Variants in PRDM15 observed in about 807,000 individuals in gnomAD.
The protein encoded by PRDM15 is PR/SET domain 15, also known as PR domain zinc finger protein 15.
PRDM15 carries 64 observed loss-of-function variants against 128.6 expected under a neutral mutation model. That is an observed-to-expected ratio of 0.50 (90% CI 0.41 to 0.61). The LOEUF (loss-of-function observed/expected upper bound fraction) is 0.61. Among genes scored for constraint, PRDM15 ranks in the 20% least tolerant of loss-of-function variants. The probability of loss-of-function intolerance (pLI) is 0.00; values close to 1 mark genes in which losing one functional copy is unlikely to be tolerated. For synonymous variants in PRDM15, 615 were observed against 621.8 expected, an observed-to-expected ratio of 0.99 and a Z score of 0.16; for missense variants, 1,242 against 1,569.1, an observed-to-expected ratio of 0.79 and a Z score of 3.52.
rs761807205 is a variant in PRDM15 at position 41,815,849 on chromosome 21, A to G, written c.2261-13T>C. The stretch of plus-strand genomic sequence containing the variant: ...TTGGTCTTCATGCCTTCAAGGACAC[A>G]GCGAGTCAGAGGCGGCCACACCCCC... On this transcript the variant is annotated splice_polypyrimidine_tract_variant and intron_variant, in intron 18 of 23. Coordinates refer to ENST00000398548, the MANE Select transcript of PRDM15 (RefSeq NM_001040424.3). 6 of 1,611,872 alleles carry G rather than the reference A, an allele frequency of 3.7e-6. No homozygotes were observed. The highest frequency in any genetic ancestry group is 4.2e-6 in the Non-Finnish European group (5 of 1,179,708).
At chr21:41,820,258 G>T in intron 16 of PRDM15, 84 bp from the exon 17 acceptor site, 1 of 1,034,444 alleles carries the variant, frequency 9.7e-7, no homozygotes, top group Non-Finnish European at 1.5e-6. Flanking sequence ...ACCTTCATCT[G>T]CAAAGGTGAG....
intron 9 of PRDM15, 118 bp from the exon 10 acceptor site, chr21:41,836,325 G>C (rs2062889397): frequency 1.5e-6 from 2 of 1,302,652 alleles, no homozygotes; most frequent in Non-Finnish European, 2.2e-6. Flanking sequence ...AGGAGCTGCA[G>C]AGATGATCGC....
intron 19 of PRDM15, 49 bp downstream of exon 19, chr21:41,815,656 C>T (rs1158982442): frequency 1.9e-6 from 3 of 1,604,872 alleles, no homozygotes; most frequent in Admixed American, 1.7e-5. Flanking sequence ...CACCTGGCTT[C>T]CCTACACAGT....
rs2063836759 is a variant in PRDM15, at chr21:41,862,158, G to A, written c.-9-1786C>T. On this transcript the variant is annotated intron_variant, in intron 1 of 23. Transcript: ENST00000398548. The surrounding 1 kb of genome is among the most constrained non-coding windows in gnomAD (Gnocchi z 4.1). ...TTTCATGAGTTGCTGCTGTGCTACT[G>A]GAGGTGTAGGACCTGCGTGCCCCCT... 11 of 655,808 alleles carry A rather than the reference G, an allele frequency of 1.7e-5. No homozygotes were observed. The highest frequency in any genetic ancestry group is 1.6e-4 in the South Asian group (9 of 56,812). The allele number at this position is 655,808 out of a possible 1,614,324, so 40.6% of individuals were successfully genotyped here. A position where few individuals can be genotyped will look rare whatever the true frequency, so the allele number is the denominator to read the frequency against.
intron 21 of PRDM15, among the ~76,000 whole-genome samples, chr21:41,805,214 C>T (rs897597466): frequency 9.8e-5 from 15 of 152,326 alleles, no homozygotes; most frequent in East Asian, 3.9e-4. Context: ...TGACCTTCAC[C>T]GCCCACACCC....
intron 18 of PRDM15, among the ~76,000 whole-genome samples, chr21:41,817,880 A>G (rs1036394397): frequency 6.6e-6 from 1 of 152,264 alleles, no homozygotes; most frequent in Non-Finnish European, 1.5e-5. Context: ...TTCAGAATTC[A>G]TTTTAAAAAA....
intron 21 of PRDM15, among the ~76,000 whole-genome samples, chr21:41,806,691 ACCACCAC>A (rs1286427492): frequency 2.5e-5 from 2 of 80,856 alleles, no homozygotes; most frequent in Admixed American, 1.2e-4. Flanking sequence ...CACCATCACC[ACCACCAC>A]CCATCACTAC....
chr21:41,871,710 G>T, intron 1 of PRDM15: 1 of 1,436,368 alleles, frequency 7.0e-7, no homozygotes. Flanking sequence ...AACTAACAGT[G>T]GTCCTCTGTT....
chr21:41,871,716 CTGT>C, intron 1 of PRDM15: 1 of 1,367,158 alleles, frequency 7.3e-7, no homozygotes, highest in Non-Finnish European at 9.9e-7. Context: ...CAGTGGTCCT[CTGT>C]TGTTACCACT....
intron 1 of PRDM15, chr21:41,867,524 G>T: frequency 1.8e-6 from 1 of 563,170 alleles, no homozygotes; most frequent in Non-Finnish European, 3.1e-6. Flanking sequence ...GCGCACTACA[G>T]CCTCAAACTC....
At position 41,879,218 on chromosome 21, in the gene PRDM15, CCGGCG is replaced by C; in HGVS notation, c.-10+47_-10+51del. 2.6e-6 allele frequency: 2 copies of C among 775,000 alleles called. No homozygotes were observed. The highest frequency in any genetic ancestry group is 1.6e-6 in the Non-Finnish European group (1 of 642,252). The allele number at this position is 775,000 out of a possible 1,614,324, so 48.0% of individuals were successfully genotyped here. On this transcript the variant is annotated intron_variant, in intron 1 of 23. Coordinates refer to ENST00000398548, the MANE Select transcript of PRDM15 (RefSeq NM_001040424.3). The surrounding 1 kb of genome is among the most constrained non-coding windows in gnomAD (Gnocchi z 5.1). ...CGGGGGCAGCGGGTGCGGCCCGGGG[CCGGCG>C]GGGCGCACGCCGGGGCGGGCGGCGG... is the stretch of plus-strand genomic sequence containing the variant.
Position 41,819,637 on chromosome 21 carries a change from CTCCTTCAGCATG to C in PRDM15, c.2193_2204del (p.Asp731_Lys734del). The C allele has an allele frequency of 6.2e-7, 1 of 1,611,680 alleles. No homozygotes were observed. The highest frequency in any genetic ancestry group is 8.5e-7 in the Non-Finnish European group (1 of 1,179,442). The stretch of plus-strand genomic sequence containing the variant: ...GGACATTGTCGTGCACACGCATGTG[CTCCTTCAGCATG>C]TCCTTCCTGGCAAAGGACTTCCCAC... On this transcript the variant is annotated inframe_deletion, in exon 18 of 24. Transcript: ENST00000398548.
At chr21:41,839,171 T>C (rs566045241) in intron 7 of PRDM15, among the ~76,000 whole-genome samples, 1 of 152,300 alleles carries the variant, frequency 6.6e-6, no homozygotes, top group African/African-American at 2.4e-5. Context: ...CCACAGGTGA[T>C]GGACCAAGCA....
chr21:41,824,136 T>G (rs2062383303), intron 13 of PRDM15, among the ~76,000 whole-genome samples: 1 of 148,390 alleles, frequency 6.7e-6, no homozygotes, highest in Admixed American at 6.7e-5. Flanking sequence ...GGCCACGTAA[T>G]CCGGGGTGTG....
Position 41,798,641 on chromosome 21 carries a change from G to T in PRDM15, c.*2599C>A, listed in dbSNP as rs2061352780. On this transcript the variant is annotated 3_prime_UTR_variant, in exon 24 of 24. Transcript: ENST00000398548. ...TGGCACTCGAGTCCACAGCTGCACG[G>T]AGCCACGGGTCCAAAACGAATTCTC... 6.6e-6 allele frequency: 1 copy of T among 152,212 alleles called. No individual in the cohort carries two copies. Among genetic ancestry groups the T allele is most frequent in the South Asian group, 2.1e-4 (1 of 4,824 alleles). The allele number at this position is 152,212 out of a possible 1,614,324, so 9.4% of individuals were successfully genotyped here. A position where few individuals can be genotyped will look rare whatever the true frequency, so the allele number is the denominator to read the frequency against.
At chr21:41,822,483 C>G (rs1017216244) in intron 14 of PRDM15, among the ~76,000 whole-genome samples, 1 of 152,248 alleles carries the variant, frequency 6.6e-6, no homozygotes, top group Non-Finnish European at 1.5e-5. Flanking sequence ...ATGCCAGCAC[C>G]GGGCTGAGAA....
intron 21 of PRDM15, chr21:41,804,820 A>C: frequency 4.5e-6 from 2 of 446,722 alleles, no homozygotes; most frequent in Non-Finnish European, 7.9e-6. Flanking sequence ...CCCTTATTTC[A>C]TGCTCCCACA....
At chr21:41,820,196 G>A (rs772408861) in intron 16 of PRDM15, 22 bp from the exon 17 acceptor site, 1 of 1,607,744 alleles carries the variant, frequency 6.2e-7, no homozygotes, top group Non-Finnish European at 8.5e-7. Flanking sequence ...GACAAGCTCA[G>A]GATGGCCGCA....
chr21:41,834,768 G>A (rs917965084), intron 11 of PRDM15, among the ~76,000 whole-genome samples: 2 of 152,214 alleles, frequency 1.3e-5, no homozygotes, highest in African/African-American at 4.8e-5. Context: ...GGACGGCCTT[G>A]GCTTTCCTTT....
Sources: gnomAD v4.1 joint callset for allele counts (sites outside exome capture counted in the v4.1 genomes callset) on GRCh38, gnomAD v4.1.1 for gene constraint, Gnocchi (gnomAD v3.1) non-coding constraint, MANE v1.5 for transcripts, NCBI Gene and HGNC (gene_info 2026-07-23, HGNC 2026-07-21) for gene names.